Variants in C1QTNF3 observed in about 807,000 individuals in gnomAD.
The protein encoded by C1QTNF3 is C1q and TNF related 3.
A neutral mutation model predicts 32.6 loss-of-function variants in C1QTNF3; 26 were observed. The ratio of observed to expected loss-of-function variants is 0.80; its 90% CI spans 0.58 to 1.11. The LOEUF (loss-of-function observed/expected upper bound fraction) is 1.11, where lower values mean the gene tolerates loss of function less well. Among genes scored for constraint, C1QTNF3 ranks in the 50% least tolerant of loss-of-function variants. C1QTNF3 has a pLI of 0.00. For synonymous variants in C1QTNF3, 155 were observed against 146.0 expected (o/e 1.06, Z -0.44); for missense variants, 362 against 398.2 (o/e 0.91, Z 0.77).
the C1QTNF3 span, among the ~76,000 whole-genome samples, chr5:34,108,069 T>C: frequency 6.6e-6 from 1 of 152,194 alleles, no homozygotes; most frequent in Non-Finnish European, 1.5e-5. Flanking sequence ...AGGAGTTTTA[T>C]GAGCCCCCCC....
the C1QTNF3 span, among the ~76,000 whole-genome samples, chr5:34,069,712 A>G: frequency 6.6e-6 from 1 of 152,248 alleles, no homozygotes; most frequent in Non-Finnish European, 1.5e-5. Context: ...GTGAGGTTAT[A>G]TCATTGGTAG....
chr5:34,098,803 T>C, the C1QTNF3 span, among the ~76,000 whole-genome samples: 1 of 152,122 alleles, frequency 6.6e-6, no homozygotes. Context: ...TAAATTTGCA[T>C]AACATTTTCT....
At chr5:34,038,044 G>GA (rs1363926060) in intron 1 of C1QTNF3, among the ~76,000 whole-genome samples, 1 of 152,206 alleles carries the variant, frequency 6.6e-6, no homozygotes, top group Non-Finnish European at 1.5e-5. Flanking sequence ...TAGGAATGTT[G>GA]AAACACCCAC....
the C1QTNF3 span, among the ~76,000 whole-genome samples, chr5:34,220,533 GCACA>G: frequency 1.3e-5 from 2 of 149,720 alleles, no homozygotes; most frequent in Admixed American, 6.7e-5. Flanking sequence ...ACACGCACAA[GCACA>G]CACACACACA....
At chr5:34,050,947 A>C in the C1QTNF3 span, among the ~76,000 whole-genome samples, 1 of 152,226 alleles carries the variant, frequency 6.6e-6, no homozygotes, top group Non-Finnish European at 1.5e-5. Context: ...CTTTCAGATA[A>C]AGTGAGTTCT....
the C1QTNF3 span, among the ~76,000 whole-genome samples, chr5:34,071,562 C>T: frequency 6.6e-6 from 1 of 151,844 alleles, no homozygotes; most frequent in East Asian, 1.9e-4. Context: ...AAAAAACATT[C>T]GTACAATGTA....
At chr5:34,097,260 CTTGT>C in the C1QTNF3 span, among the ~76,000 whole-genome samples, 1 of 151,770 alleles carries the variant, frequency 6.6e-6, no homozygotes, top group African/African-American at 2.4e-5. Context: ...TGATGTTTTA[CTTGT>C]TTGAACATTC....
the C1QTNF3 span, among the ~76,000 whole-genome samples, chr5:34,102,243 T>A: frequency 2.6e-5 from 4 of 152,304 alleles, no homozygotes; most frequent in South Asian, 8.3e-4. Context: ...TCTCATTTCG[T>A]CTGATTTTAG....
At chr5:34,043,431 T>C, upstream of C1QTNF3, 1 of 376,590 alleles carries the variant, frequency 2.7e-6, no homozygotes, top group Non-Finnish European at 4.9e-6. Flanking sequence ...GAAGAAAACA[T>C]ACACAACCAG....
At chr5:34,122,373 C>A in the C1QTNF3 span, among the ~76,000 whole-genome samples, 2 of 152,150 alleles carry the variant, frequency 1.3e-5, no homozygotes, top group Non-Finnish European at 2.9e-5. Flanking sequence ...GATGAAGTTT[C>A]AGGTTGAAAT....
the C1QTNF3 span, among the ~76,000 whole-genome samples, chr5:34,049,490 G>A: frequency 3.3e-5 from 5 of 152,198 alleles, no homozygotes; most frequent in Admixed American, 2.6e-4. Flanking sequence ...AGCAGAGGCA[G>A]CTCTGACCCT....
the C1QTNF3 span, among the ~76,000 whole-genome samples, chr5:34,170,358 A>G: frequency 2.6e-5 from 4 of 152,152 alleles, no homozygotes; most frequent in African/African-American, 9.7e-5. Context: ...GGGGCTGTTC[A>G]ATATAGTGCC....
At chr5:34,060,535 A>G in the C1QTNF3 span, among the ~76,000 whole-genome samples, 2 of 152,162 alleles carry the variant, frequency 1.3e-5, no homozygotes, top group Non-Finnish European at 2.9e-5. Flanking sequence ...AAACTTACCC[A>G]AGACTGGGGG....
At chr5:34,113,674 A>T in the C1QTNF3 span, among the ~76,000 whole-genome samples, 8 of 152,152 alleles carry the variant, frequency 5.3e-5, no homozygotes, top group South Asian at 2.1e-4. Flanking sequence ...CTCTCTCTAT[A>T]TATATGTATA....
the C1QTNF3 span, among the ~76,000 whole-genome samples, chr5:34,107,005 G>A: frequency 2.5e-5 from 2 of 78,576 alleles, 1 homozygote. Context: ...TATTTTGAAC[G>A]CTGGAAACCC....
chr5:34,081,294 TGTGA>T, the C1QTNF3 span, among the ~76,000 whole-genome samples: 2 of 151,680 alleles, frequency 1.3e-5, no homozygotes, highest in African/African-American at 4.9e-5. Flanking sequence ...AATACACTAG[TGTGA>T]TTCTATTATA....
the C1QTNF3 span, among the ~76,000 whole-genome samples, chr5:34,227,384 G>C: frequency 2.0e-5 from 3 of 151,820 alleles, no homozygotes; most frequent in Non-Finnish European, 2.9e-5. Flanking sequence ...GTGTGCCTAC[G>C]TCTTGATAAA....
chr5:34,161,205 C>T, the C1QTNF3 span, among the ~76,000 whole-genome samples: 1 of 152,174 alleles, frequency 6.6e-6, no homozygotes, highest in African/African-American at 2.4e-5. Flanking sequence ...GTTACAAACG[C>T]TGCCCATTCA....
At chr5:34,224,811 T>C in the C1QTNF3 span, among the ~76,000 whole-genome samples, 2 of 152,074 alleles carry the variant, frequency 1.3e-5, no homozygotes, top group South Asian at 4.2e-4. Flanking sequence ...TGGGATCTCA[T>C]TAAACTAAAG....
Sources: gnomAD v4.1 joint callset for allele counts (sites outside exome capture counted in the v4.1 genomes callset) on GRCh38, gnomAD v4.1.1 for gene constraint, MANE v1.5 for transcripts, NCBI Gene and HGNC (gene_info 2026-07-23, HGNC 2026-07-21) for gene names.